Variants in NTNG1 observed in about 807,000 individuals in gnomAD.
The protein encoded by NTNG1 is netrin-G1.
In NTNG1, 16 loss-of-function variants were observed where a neutral mutation model predicts 54.0. That is an observed-to-expected ratio of 0.30 (90% confidence interval 0.20 to 0.45). NTNG1 has a LOEUF of 0.45. NTNG1 is among the 20% of genes least tolerant of loss of function. The pLI is 1.00. For synonymous variants in NTNG1, 255 were observed against 263.1 expected, an observed-to-expected ratio of 0.97 and a Z score of 0.30; for missense variants, 530 against 678.7, an observed-to-expected ratio of 0.78 and a Z score of 2.43.
chr1:107,394,642 A>G (rs577016980), intron 3 of NTNG1, among the ~76,000 whole-genome samples: 196 of 152,328 alleles, frequency 1.3e-3, no homozygotes, highest in African/African-American at 4.3e-3. Flanking sequence ...ACACTTGATT[A>G]TAATTTCTTG....
chr1:107,168,395 G>C (rs1181893533), intron 2 of NTNG1, among the ~76,000 whole-genome samples: 1 of 151,878 alleles, frequency 6.6e-6, no homozygotes, highest in Admixed American at 6.6e-5. Flanking sequence ...GTATTTTTCT[G>C]ATATATAAAT....
In NTNG1 at chr1:107,430,828, A is replaced by G. The variant is rs1675215055; in HGVS notation, c.1166A>G (p.His389Arg). Residue 389 changes from histidine (H) to arginine (R), a missense_variant, in exon 6 of 8, where the codon CAC becomes CGC. This residue lies in a region of NTNG1 where 212 missense variants were observed against 213.6 expected (regional missense o/e 0.99). Transcript: ENST00000370068. ...ACAGTCATTTGCGTGAGCTGTAAAC[A>G]CAACACTAGAGGGCAGCACTGTGAG... ...LNTVICVSCKHNTRGQHCELC... is the reference protein window; with the variant it reads ...LNTVICVSCKRNTRGQHCELC... 6.2e-7 allele frequency: 1 copy of G among 1,613,350 alleles called. No individual in the cohort carries two copies. The highest frequency in any genetic ancestry group is 8.5e-7 in the Non-Finnish European group (1 of 1,179,634).
At chr1:107,208,732 C>A (rs1028305428) in intron 2 of NTNG1, among the ~76,000 whole-genome samples, 14 of 152,128 alleles carry the variant, frequency 9.2e-5, no homozygotes, top group African/African-American at 3.4e-4. Context: ...ACTCTCCCTT[C>A]CCTTAGCTGG....
chr1:107,348,328 G>A (rs1570734517), intron 3 of NTNG1, among the ~76,000 whole-genome samples: 1 of 152,172 alleles, frequency 6.6e-6, no homozygotes, highest in South Asian at 2.1e-4. Flanking sequence ...GTTTTGCCAT[G>A]TTGGCCAGGA....
At chr1:107,349,904 G>A (rs1387575192) in intron 3 of NTNG1, among the ~76,000 whole-genome samples, 1 of 152,146 alleles carries the variant, frequency 6.6e-6, no homozygotes, top group East Asian at 1.9e-4. Flanking sequence ...TTTGGTACAT[G>A]TGTGCAAAAA....
intron 2 of NTNG1, among the ~76,000 whole-genome samples, chr1:107,311,787 ATAG>A (rs1667031107): frequency 6.6e-6 from 1 of 151,630 alleles, no homozygotes; most frequent in Non-Finnish European, 1.5e-5. Flanking sequence ...TCAAAGAATT[ATAG>A]TAGGAGAGAT....
chr1:107,302,850 T>C (rs1369587067), intron 2 of NTNG1, among the ~76,000 whole-genome samples: 1 of 152,214 alleles, frequency 6.6e-6, no homozygotes, highest in Non-Finnish European at 1.5e-5. Flanking sequence ...GTATTTTGTT[T>C]TGTTTTATAT....
intron 2 of NTNG1, among the ~76,000 whole-genome samples, chr1:107,243,639 T>G (rs965256965): frequency 6.6e-6 from 1 of 152,176 alleles, no homozygotes; most frequent in African/African-American, 2.4e-5. Context: ...ACGGTCGTAG[T>G]GTGCACTGCA....
Position 107,481,022 on chromosome 1 carries a change from G to T in NTNG1, c.*182G>T. ...CCCGTGGACAGCACATCCGAGTCAA[G>T]ACTGTTAATTTCTGACTCCAGAGGA... is the stretch of plus-strand genomic sequence containing the variant. On this transcript the variant is annotated 3_prime_UTR_variant, in exon 8 of 8. Coordinates refer to ENST00000370068, the MANE Select transcript of NTNG1 (RefSeq NM_001113226.3). 1 of 553,072 alleles carries T rather than the reference G, an allele frequency of 1.8e-6. No individual in the cohort carries two copies. The highest frequency in any genetic ancestry group is 3.2e-6 in the Non-Finnish European group (1 of 309,586). 34.3% of individuals were successfully genotyped at this position (553,072 alleles called of 1,614,324 possible).
intron 7 of NTNG1, among the ~76,000 whole-genome samples, chr1:107,455,056 G>T (rs1178613909): frequency 3.3e-5 from 5 of 151,460 alleles, no homozygotes; most frequent in African/African-American, 7.3e-5. Context: ...CACTCACATG[G>T]TGACTATTTT....
intron 3 of NTNG1, among the ~76,000 whole-genome samples, chr1:107,359,228 C>T (rs908433695): frequency 1.3e-5 from 2 of 152,114 alleles, no homozygotes; most frequent in African/African-American, 4.8e-5. Context: ...TTACATCCTG[C>T]GTGCCCAATT....
chr1:107,480,944 C>A lies in NTNG1; in HGVS notation c.*104C>A. 1 of 823,754 alleles carries A rather than the reference C, an allele frequency of 1.2e-6. No homozygotes were observed. Among genetic ancestry groups the A allele is most frequent in the Admixed American group, 2.4e-5 (1 of 42,208 alleles). The allele number at this position is 823,754 out of a possible 1,614,324, so 51.0% of individuals were successfully genotyped here. A position where few individuals can be genotyped will look rare whatever the true frequency, so the allele number is the denominator to read the frequency against. On this transcript the variant is annotated 3_prime_UTR_variant, in exon 8 of 8. Transcript: ENST00000370068. ...AAACACACACATACAGACACCCCCA[C>A]TCAGACAGTGTACAAACTAAGAAGG... is the stretch of plus-strand genomic sequence containing the variant.
intron 3 of NTNG1, among the ~76,000 whole-genome samples, chr1:107,346,842 C>T (rs1669270562): frequency 7.0e-6 from 1 of 141,862 alleles, no homozygotes; most frequent in Non-Finnish European, 1.5e-5. Flanking sequence ...ACAGCAGCTG[C>T]ACCTTAGTTC....
At chr1:107,475,604 C>T (rs912965262) in intron 7 of NTNG1, among the ~76,000 whole-genome samples, 3 of 152,210 alleles carry the variant, frequency 2.0e-5, no homozygotes, top group African/African-American at 7.2e-5. Flanking sequence ...TCCCACAGCT[C>T]AGCACCTGAA....
intron 3 of NTNG1, among the ~76,000 whole-genome samples, chr1:107,389,314 T>C (rs1672216518): frequency 6.6e-6 from 1 of 152,304 alleles, no homozygotes; most frequent in Non-Finnish European, 1.5e-5. Context: ...TTAATTTCTT[T>C]GTCTCAGTAC....
chr1:107,420,776 T>G (rs1026866072), intron 5 of NTNG1, among the ~76,000 whole-genome samples: 1 of 152,040 alleles, frequency 6.6e-6, no homozygotes, highest in Non-Finnish European at 1.5e-5. Flanking sequence ...TTTAAAAGAT[T>G]GACAGTAGGG....
At chr1:107,307,713 A>G (rs1666771758) in intron 2 of NTNG1, among the ~76,000 whole-genome samples, 1 of 152,208 alleles carries the variant, frequency 6.6e-6, no homozygotes, top group Admixed American at 6.5e-5. Context: ...GCTCCCATTC[A>G]TCACTAGTTT....
chr1:107,219,730 G>A (rs1660217260), intron 2 of NTNG1, among the ~76,000 whole-genome samples: 1 of 152,194 alleles, frequency 6.6e-6, no homozygotes, highest in Non-Finnish European at 1.5e-5. Context: ...TATCTGCAAA[G>A]GTCCTGTGAT....
chr1:107,162,606 C>T (rs1212760279), intron 2 of NTNG1, among the ~76,000 whole-genome samples: 1 of 152,040 alleles, frequency 6.6e-6, no homozygotes, highest in Non-Finnish European at 1.5e-5. Flanking sequence ...GATAAATAAA[C>T]ATTGAGCTAA....
Sources: allele counts gnomAD v4.1 joint callset (sites outside exome capture counted in the v4.1 genomes callset), GRCh38; gene constraint gnomAD v4.1.1; regional missense constraint gnomAD v4.1.1; transcripts MANE v1.5; gene names NCBI Gene and HGNC (gene_info 2026-07-23, HGNC 2026-07-21).